ARHGAP15: variants seen among roughly 807,000 people sequenced by gnomAD.
ARHGAP15 encodes the protein rho GTPase-activating protein 15.
A neutral mutation model predicts 63.7 loss-of-function variants in ARHGAP15; 51 were observed. The ratio of observed to expected loss-of-function variants is 0.80; its 90% confidence interval spans 0.64 to 1.01. The LOEUF (loss-of-function observed/expected upper bound fraction) is 1.01, where lower values mean the gene tolerates loss of function less well. Among genes scored for constraint, ARHGAP15 ranks in the 50% least tolerant of loss-of-function variants. The pLI, the probability that ARHGAP15 is intolerant of heterozygous loss-of-function variation, is 0.00. For synonymous variants in ARHGAP15, 191 were observed against 193.8 expected (o/e 0.99, Z 0.12); for missense variants, 560 against 564.6 (o/e 0.99, Z 0.08).
intron 11 of ARHGAP15, among the ~76,000 whole-genome samples, chr2:143,614,109 T>A (rs1698367864): frequency 6.6e-6 from 1 of 152,144 alleles, no homozygotes; most frequent in Non-Finnish European, 1.5e-5. Flanking sequence ...ATCTCTTCTC[T>A]TCCTCTCTCC....
intron 6 of ARHGAP15, among the ~76,000 whole-genome samples, chr2:143,413,517 A>T (rs982618437): frequency 1.1e-4 from 17 of 152,304 alleles, no homozygotes; most frequent in African/African-American, 4.1e-4. Flanking sequence ...CAGACAGTCA[A>T]TCAATAACAG....
intron 6 of ARHGAP15, among the ~76,000 whole-genome samples, chr2:143,415,690 C>A (rs1169275537): frequency 1.3e-5 from 2 of 152,060 alleles, no homozygotes; most frequent in Non-Finnish European, 2.9e-5. Context: ...GTTATAGCAG[C>A]ACAATTTGTA....
intron 2 of ARHGAP15, among the ~76,000 whole-genome samples, chr2:143,186,972 T>A (rs1393609296): frequency 2.6e-5 from 4 of 152,324 alleles, no homozygotes; most frequent in African/African-American, 9.6e-5. Context: ...GTGAAATGAC[T>A]TTCTCTTTTC....
chr2:143,131,997 T>TAA (rs548327603), intron 1 of ARHGAP15, among the ~76,000 whole-genome samples: 3 of 144,156 alleles, frequency 2.1e-5, no homozygotes, highest in Admixed American at 2.1e-4. Context: ...TTGCAGCAGG[T>TAA]AAAAAAAAAA....
At chr2:143,151,751 G>A (rs1203277291) in intron 1 of ARHGAP15, among the ~76,000 whole-genome samples, 1 of 151,930 alleles carries the variant, frequency 6.6e-6, no homozygotes, top group Non-Finnish European at 1.5e-5. Flanking sequence ...AAACTGGGGA[G>A]TTGAAAGGGA....
Position 143,189,668 on chromosome 2 carries a change from G to T in ARHGAP15, c.166-12466G>T, listed in dbSNP as rs530960480. ...GTTAGGATGGGGTTTCACCATGTTG[G>T]CCAGGCTGGTATCGAACTCCTGACC... On this transcript the variant is annotated intron_variant, in intron 2 of 13. Transcript: ENST00000295095. Among the ~76,000 whole-genome samples the T allele has an allele frequency of 9.2e-5, 14 of 151,662 alleles. 1 individual carries two copies. The South Asian group carries it at 2.3e-3, about 25-fold the overall frequency.
At chr2:143,313,353 G>A (rs571893028) in intron 6 of ARHGAP15, among the ~76,000 whole-genome samples, 1 of 152,038 alleles carries the variant, frequency 6.6e-6, no homozygotes, top group African/African-American at 2.4e-5. Flanking sequence ...TTAAATACCC[G>A]CTTCTTATAA....
chr2:143,143,711 G>T (rs1689469136), intron 1 of ARHGAP15, among the ~76,000 whole-genome samples: 7 of 151,616 alleles, frequency 4.6e-5, no homozygotes, highest in Admixed American at 4.6e-4. Flanking sequence ...ATTCTATCCA[G>T]AACCTACTGC....
intron 1 of ARHGAP15, among the ~76,000 whole-genome samples, chr2:143,134,149 ATCT>A: frequency 3.6e-5 from 1 of 27,736 alleles, no homozygotes; most frequent in South Asian, 6.3e-4. Context: ...CTATCTATCT[ATCT>A]ACCTATCTAT....
chr2:143,563,449 A>G (rs892204707), intron 11 of ARHGAP15, among the ~76,000 whole-genome samples: 1 of 152,234 alleles, frequency 6.6e-6, no homozygotes, highest in African/African-American at 2.4e-5. Flanking sequence ...CCAAATTCAT[A>G]GGCCTTCTGA....
At chr2:143,502,759 T>A (rs1012726438) in intron 9 of ARHGAP15, among the ~76,000 whole-genome samples, 3 of 152,112 alleles carry the variant, frequency 2.0e-5, no homozygotes, top group Non-Finnish European at 4.4e-5. Flanking sequence ...TTTGTATTTT[T>A]AGTAGAGATG....
intron 12 of ARHGAP15, among the ~76,000 whole-genome samples, chr2:143,662,475 A>G (rs1344654373): frequency 6.9e-6 from 1 of 144,762 alleles, no homozygotes; most frequent in Non-Finnish European, 1.5e-5. Context: ...AAAAAACAGA[A>G]GAGAAAACTG....
intron 8 of ARHGAP15, among the ~76,000 whole-genome samples, chr2:143,463,146 ATTC>A (rs1303102505): frequency 5.9e-5 from 9 of 152,250 alleles, no homozygotes; most frequent in African/African-American, 1.9e-4. Context: ...CAAGACAATT[ATTC>A]TTCTTCCAGT....
intron 6 of ARHGAP15, among the ~76,000 whole-genome samples, chr2:143,377,068 C>T (rs908937667): frequency 1.3e-5 from 2 of 152,024 alleles, no homozygotes; most frequent in Non-Finnish European, 2.9e-5. Context: ...ATTTCGTTTA[C>T]AAATGGCATA....
intron 4 of ARHGAP15, among the ~76,000 whole-genome samples, chr2:143,225,836 G>A (rs1052273155): frequency 1.3e-5 from 2 of 152,062 alleles, no homozygotes; most frequent in Admixed American, 1.3e-4. Context: ...TTTACGCTAG[G>A]TATTCTAAAT....
intron 11 of ARHGAP15, among the ~76,000 whole-genome samples, chr2:143,602,507 A>G (rs947498289): frequency 4.6e-5 from 7 of 152,156 alleles, no homozygotes; most frequent in African/African-American, 1.2e-4. Flanking sequence ...GCTTGTTTTC[A>G]GGGATGAGTG....
intron 1 of ARHGAP15, among the ~76,000 whole-genome samples, chr2:143,131,756 T>G (rs571268316): frequency 5.9e-5 from 9 of 152,338 alleles, no homozygotes; most frequent in African/African-American, 2.2e-4. Flanking sequence ...TTTTAATATG[T>G]TTCCTCAGCA....
At position 143,495,407 on chromosome 2, in the gene ARHGAP15, T is replaced by G. The variant is rs10209472; in HGVS notation, c.826+7912T>G. On this transcript the variant is annotated intron_variant, in intron 9 of 13. Transcript: ENST00000295095. ...AACTTGGGCTTGGCTTATATTTCTC[T>G]TTTTGGTAATTTTAATCATGATGCT... Among the ~76,000 whole-genome samples the G allele has an allele frequency of 4.2e-3, 644 of 152,280 alleles. 6 individuals carry two copies. The highest frequency in any genetic ancestry group is 0.015 in the African/African-American group (618 of 41,562).
chr2:143,699,290 G>T (rs1683982313), intron 12 of ARHGAP15, among the ~76,000 whole-genome samples: 1 of 152,062 alleles, frequency 6.6e-6, no homozygotes, highest in Non-Finnish European at 1.5e-5. Context: ...CTTTTCAGAA[G>T]ATTTTGTTCT....
Sources: gnomAD v4.1 joint callset for allele counts (sites outside exome capture counted in the v4.1 genomes callset) on GRCh38, gnomAD v4.1.1 for gene constraint, MANE v1.5 for transcripts, NCBI Gene and HGNC (gene_info 2026-07-23, HGNC 2026-07-21) for gene names.